The following NXPH1 variants were observed in gnomAD, a reference collection of about 807,000 sequenced individuals.
NXPH1 encodes the protein neurexophilin-1.
NXPH1 carries 5 observed loss-of-function variants against 23.7 expected under a neutral mutation model. The observed-to-expected ratio is 0.21, with a 90% CI of 0.11 to 0.44. The LOEUF (loss-of-function observed/expected upper bound fraction) is 0.44, where lower values mean the gene tolerates loss of function less well. NXPH1 is among the 20% of genes least tolerant of loss of function. The pLI, the probability that NXPH1 is intolerant of heterozygous loss-of-function variation, is 0.99. For synonymous variants in NXPH1, 144 were observed against 122.2 expected, an observed-to-expected ratio of 1.18 and a Z score of -1.18; for missense variants, 324 against 321.6, an observed-to-expected ratio of 1.01 and a Z score of -0.06.
chr7:8,500,352 G>C (rs1469159549), intron 2 of NXPH1, among the ~76,000 whole-genome samples: 1 of 152,086 alleles, frequency 6.6e-6, no homozygotes, highest in Non-Finnish European at 1.5e-5. Flanking sequence ...TTGGTTATCT[G>C]AGAAAAGGCA....
At chr7:8,729,457 G>A (rs1209102071) in intron 2 of NXPH1, among the ~76,000 whole-genome samples, 1 of 139,706 alleles carries the variant, frequency 7.2e-6, no homozygotes, top group Admixed American at 7.2e-5. Context: ...GATCTTTCCT[G>A]CTTTCTCTTG....
intron 2 of NXPH1, among the ~76,000 whole-genome samples, chr7:8,663,846 G>A (rs1820718603): frequency 6.6e-6 from 1 of 152,004 alleles, no homozygotes; most frequent in Admixed American, 6.6e-5. Context: ...GAAAGATCTG[G>A]TCATCAGGGT....
intron 2 of NXPH1, among the ~76,000 whole-genome samples, chr7:8,468,031 A>G (rs1307245835): frequency 6.6e-6 from 1 of 152,138 alleles, no homozygotes; most frequent in Admixed American, 6.5e-5. Flanking sequence ...CAAAAAGAAA[A>G]ATTTGTGATC....
intron 2 of NXPH1, among the ~76,000 whole-genome samples, chr7:8,623,246 A>G (rs1192284048): frequency 2.0e-5 from 3 of 152,172 alleles, no homozygotes; most frequent in South Asian, 2.1e-4. Context: ...AGACGAATTA[A>G]AACAGGAGAA....
rs997363505 is a variant in NXPH1, at chr7:8,752,441, G to A, written c.*672G>A. 1.3e-5 allele frequency: 2 copies of A among 152,474 alleles called. No homozygotes were observed. Among genetic ancestry groups the A allele is most frequent in the African/African-American group, 4.8e-5 (2 of 41,412 alleles). 9.4% of individuals were successfully genotyped at this position (152,474 alleles called of 1,614,324 possible). ...AGGGGCCTGTTCTCAGTAAAGATGA[G>A]CAAACATTTGGAATTTACATGTGGG... On this transcript the variant is annotated 3_prime_UTR_variant, in exon 3 of 3. Transcript: ENST00000405863.
At chr7:8,723,512 A>G (rs1054410424) in intron 2 of NXPH1, among the ~76,000 whole-genome samples, 1 of 152,188 alleles carries the variant, frequency 6.6e-6, no homozygotes, top group Non-Finnish European at 1.5e-5. Context: ...GTAAAAATAC[A>G]TTTATTTGGG....
At chr7:8,718,498 CCT>C (rs538899743) in intron 2 of NXPH1, among the ~76,000 whole-genome samples, 11 of 152,208 alleles carry the variant, frequency 7.2e-5, no homozygotes, top group Non-Finnish European at 1.5e-4. Flanking sequence ...AGTTTAATCC[CCT>C]GTTGAAAAGA....
At chr7:8,680,955 G>T (rs984392211) in intron 2 of NXPH1, among the ~76,000 whole-genome samples, 1 of 152,222 alleles carries the variant, frequency 6.6e-6, no homozygotes, top group Admixed American at 6.5e-5. Context: ...CTGGGACAGG[G>T]TTAAGAGACT....
At chr7:8,712,994 A>G (rs994809272) in intron 2 of NXPH1, among the ~76,000 whole-genome samples, 1 of 152,072 alleles carries the variant, frequency 6.6e-6, no homozygotes, top group Non-Finnish European at 1.5e-5. Context: ...ATTCCTTAGA[A>G]TAAGCTTTTT....
At chr7:8,482,305 G>A (rs902416334) in intron 2 of NXPH1, among the ~76,000 whole-genome samples, 1 of 152,170 alleles carries the variant, frequency 6.6e-6, no homozygotes, top group Admixed American at 6.5e-5. Context: ...TGAATGAAAT[G>A]AGGGTGGCTT....
chr7:8,698,225 A>G (rs1779565724), intron 2 of NXPH1, among the ~76,000 whole-genome samples: 2 of 152,202 alleles, frequency 1.3e-5, no homozygotes, highest in Admixed American at 6.5e-5. Context: ...TGAATACTCA[A>G]CTGAAGATTC....
chr7:8,543,835 C>T (rs576218523), intron 2 of NXPH1, among the ~76,000 whole-genome samples: 80 of 151,562 alleles, frequency 5.3e-4, no homozygotes, highest in African/African-American at 1.9e-3. Flanking sequence ...TGATTGCATA[C>T]CAGGTGTTTT....
chr7:8,635,262 G>C (rs988509279), intron 2 of NXPH1, among the ~76,000 whole-genome samples: 1 of 152,156 alleles, frequency 6.6e-6, no homozygotes, highest in Non-Finnish European at 1.5e-5. Flanking sequence ...CAGGCTGAAG[G>C]CACAATTCTT....
At chr7:8,549,986 G>A (rs1426962154) in intron 2 of NXPH1, among the ~76,000 whole-genome samples, 1 of 151,554 alleles carries the variant, frequency 6.6e-6, no homozygotes, top group Non-Finnish European at 1.5e-5. Flanking sequence ...CAGAATGCAA[G>A]TTTGTATCTG....
At chr7:8,690,126 C>T (rs528333027) in intron 2 of NXPH1, among the ~76,000 whole-genome samples, 7 of 152,272 alleles carry the variant, frequency 4.6e-5, no homozygotes, top group Non-Finnish European at 7.3e-5. Flanking sequence ...GACTCATACC[C>T]CTGTGGCAGG....
chr7:8,737,421 G>A (rs1780280071), intron 2 of NXPH1, among the ~76,000 whole-genome samples: 1 of 152,166 alleles, frequency 6.6e-6, no homozygotes, highest in South Asian at 2.1e-4. Context: ...GAAATCCTGG[G>A]TTGAAAATTC....
At chr7:8,702,438 C>G (rs1043689198) in intron 2 of NXPH1, among the ~76,000 whole-genome samples, 1 of 152,074 alleles carries the variant, frequency 6.6e-6, no homozygotes, top group Non-Finnish European at 1.5e-5. Context: ...CTATCATTCC[C>G]CATGCTCTGT....
At chr7:8,652,961 A>G (rs201618302) in intron 2 of NXPH1, among the ~76,000 whole-genome samples, 1 of 17,412 alleles carries the variant, frequency 5.7e-5, no homozygotes, top group Non-Finnish European at 1.7e-4. Context: ...GTTAACACAG[A>G]AAAATATAGG....
intron 2 of NXPH1, among the ~76,000 whole-genome samples, chr7:8,549,085 A>T (rs983720526): frequency 4.6e-5 from 7 of 151,562 alleles, no homozygotes; most frequent in African/African-American, 1.5e-4. Context: ...AAGATAAATT[A>T]AAAAATCCAG....
Sources: allele counts gnomAD v4.1 joint callset (sites outside exome capture counted in the v4.1 genomes callset), GRCh38; gene constraint gnomAD v4.1.1; transcripts MANE v1.5; gene names NCBI Gene and HGNC (gene_info 2026-07-23, HGNC 2026-07-21).